The following GSE1 variants were observed in gnomAD, a reference collection of about 807,000 sequenced individuals.
GSE1 encodes Gse1 coiled-coil protein.
In GSE1, 32 loss-of-function variants were observed where a neutral mutation model predicts 112.6. The observed-to-expected ratio is 0.28, with a 90% CI of 0.21 to 0.38. The LOEUF (loss-of-function observed/expected upper bound fraction) is 0.38. Among genes scored for constraint, GSE1 ranks in the 10% least tolerant of loss-of-function variants. The pLI is 1.00. For missense variants in GSE1, 2,348 were observed against 1,699.2 expected, an observed-to-expected ratio of 1.38 and a Z score of -6.71; for synonymous variants, 1,115 against 735.6, an observed-to-expected ratio of 1.52 and a Z score of -8.35.
At position 85,661,257 on chromosome 16, in the gene GSE1, C is replaced by A. The variant is rs764103495; in HGVS notation, c.1752C>A (p.Leu584=). ...AGCTCCATGCTGCACCCACGGCCCTCTGGAACCCCGTGTCCCTGATGGACA... is the reference window on the plus strand; with the variant it reads ...AGCTCCATGCTGCACCCACGGCCCTATGGAACCCCGTGTCCCTGATGGACA... The part of the protein sequence containing the change: ...KPQLHAAPTA[L]WNPVSLMDNT... Residue 584 remains leucine (L), a synonymous_variant, in exon 9 of 16, where the codon CTC becomes CTA. Transcript: ENST00000253458. The A allele has an allele frequency of 6.2e-7, 1 of 1,612,976 alleles. No individual in the cohort carries two copies. The highest frequency in any genetic ancestry group is 8.5e-7 in the Non-Finnish European group (1 of 1,179,990).
intron 1 of GSE1, among the ~76,000 whole-genome samples, chr16:85,200,488 A>T (rs1270021443): frequency 8.5e-5 from 13 of 152,054 alleles, no homozygotes; most frequent in African/African-American, 2.7e-4. Flanking sequence ...TATGCAGTGG[A>T]GGCAGAGCCT....
At chr16:85,295,621 CTGGTCTAAG>C (rs2045345477) in intron 1 of GSE1, among the ~76,000 whole-genome samples, 1 of 152,208 alleles carries the variant, frequency 6.6e-6, no homozygotes, top group Admixed American at 6.5e-5. Flanking sequence ...TGAGCCTGTG[CTGGTCTAAG>C]TCAAGGGGAG....
intron 2 of GSE1, among the ~76,000 whole-genome samples, chr16:85,423,046 CATTG>C (rs2048887638): frequency 1.3e-5 from 2 of 152,236 alleles, no homozygotes; most frequent in African/African-American, 2.4e-5. Flanking sequence ...CCCAAGGAGG[CATTG>C]AGGTGAGGCT....
chr16:85,525,337 A>C (rs2052332428), intron 2 of GSE1, among the ~76,000 whole-genome samples: 1 of 151,150 alleles, frequency 6.6e-6, no homozygotes. Context: ...CTGTGGGCCC[A>C]GTGCGGCTGG....
Position 85,672,682 on chromosome 16 carries a change from C to T in GSE1, c.*143C>T. ...GCATGAAGCAAAGGATTCCAGGCTC[C>T]AGAAAAAATGAATGAACTCACCTTG... On this transcript the variant is annotated 3_prime_UTR_variant, in exon 16 of 16. Coordinates refer to ENST00000253458, the MANE Select transcript of GSE1 (RefSeq NM_014615.5). 1.9e-6 allele frequency: 1 copy of T among 527,626 alleles called. No homozygotes were observed. The allele number at this position is 527,626 out of a possible 1,614,324, so 32.7% of individuals were successfully genotyped here. A position where few individuals can be genotyped will look rare whatever the true frequency, so the allele number is the denominator to read the frequency against.
At chr16:85,516,378 C>T (rs867209139) in intron 2 of GSE1, among the ~76,000 whole-genome samples, 6 of 126,092 alleles carry the variant, frequency 4.8e-5, no homozygotes, top group African/African-American at 1.2e-4. Context: ...TGGTGTGGCC[C>T]GGGGTGGTGG....
chr16:85,662,193 G>A (rs895291736), intron 9 of GSE1: 9 of 170,838 alleles, frequency 5.3e-5, no homozygotes, highest in Non-Finnish European at 8.7e-5. Flanking sequence ...AGGACGCGGC[G>A]GCTGGCACTG....
rs1050830231 is a variant in GSE1, at chr16:85,674,510, C to T, written c.*1971C>T. 1 of 152,220 alleles carries T rather than the reference C, an allele frequency of 6.6e-6. No homozygotes were observed. Among genetic ancestry groups the T allele is most frequent in the Non-Finnish European group, 1.5e-5 (1 of 68,048 alleles). 9.4% of individuals were successfully genotyped at this position (152,220 alleles called of 1,614,324 possible). A position where few individuals can be genotyped will look rare whatever the true frequency, so the allele number is the denominator to read the frequency against. ...TACAAACTATCAGGGCAAAATCTCACTGGATTTCTCCACTGAAAACCTACT... is the reference window on the plus strand; with the variant it reads ...TACAAACTATCAGGGCAAAATCTCATTGGATTTCTCCACTGAAAACCTACT... On this transcript the variant is annotated 3_prime_UTR_variant, in exon 16 of 16. Coordinates refer to ENST00000253458, the MANE Select transcript of GSE1 (RefSeq NM_014615.5).
At chr16:85,663,156 C>T in intron 10 of GSE1, 63 bp downstream of exon 10, 1 of 1,283,786 alleles carries the variant, frequency 7.8e-7, no homozygotes, top group Non-Finnish European at 1.1e-6. Context: ...GCGTCCACAC[C>T]CTGCAGTCCA....
intron 2 of GSE1, among the ~76,000 whole-genome samples, chr16:85,462,372 T>C (rs2151825810): frequency 6.6e-6 from 1 of 152,018 alleles, no homozygotes; most frequent in East Asian, 2.0e-4. Flanking sequence ...TACCCTCAGC[T>C]TGTTGGTTGG....
intron 1 of GSE1, among the ~76,000 whole-genome samples, chr16:85,568,699 G>A (rs2045860559): frequency 6.6e-6 from 1 of 152,178 alleles, no homozygotes; most frequent in South Asian, 2.1e-4. Context: ...CACTCCCTTA[G>A]TTTCTTGGTC....
intron 1 of GSE1, among the ~76,000 whole-genome samples, chr16:85,309,257 G>A (rs1197161033): frequency 6.6e-6 from 1 of 152,146 alleles, no homozygotes; most frequent in Non-Finnish European, 1.5e-5. Context: ...CCAGCACTTT[G>A]GGAGGCCAAC....
chr16:85,465,791 C>G (rs1029283551), intron 2 of GSE1, among the ~76,000 whole-genome samples: 3 of 152,256 alleles, frequency 2.0e-5, no homozygotes, highest in African/African-American at 7.2e-5. Flanking sequence ...CCTTTACACT[C>G]TGATCTCAGA....
chr16:85,210,753 C>T (rs570409353), intron 1 of GSE1, among the ~76,000 whole-genome samples: 5 of 152,316 alleles, frequency 3.3e-5, no homozygotes, highest in Admixed American at 6.5e-5. Context: ...GGGTGCCACC[C>T]GCTGCCCATT....
intron 2 of GSE1, among the ~76,000 whole-genome samples, chr16:85,642,055 G>A (rs1444015930): frequency 6.6e-6 from 1 of 152,270 alleles, no homozygotes; most frequent in Non-Finnish European, 1.5e-5. Flanking sequence ...CACCGGCTGA[G>A]GGCCCAGCTG....
rs536237594 is a variant in GSE1, at chr16:85,271,459, A to C, written c.2284-86004A>C. On this transcript the variant is annotated intron_variant, in intron 1 of 2. Transcript: ENST00000637419. ...ATCAGGGCTTGGGAACTGGTGGGGAAGTATGAATGTGGTTCTTGGAGTCAG... is the reference window on the plus strand; with the variant it reads ...ATCAGGGCTTGGGAACTGGTGGGGACGTATGAATGTGGTTCTTGGAGTCAG... 9.2e-5 allele frequency among the ~76,000 whole-genome samples: 14 copies of C among 152,346 alleles called. No homozygotes were observed. The East Asian group carries it at 1.2e-3, about 13-fold the overall frequency.
chr16:85,588,564 A>G (rs2033060359), intron 1 of GSE1, among the ~76,000 whole-genome samples: 1 of 152,238 alleles, frequency 6.6e-6, no homozygotes, highest in Admixed American at 6.5e-5. Flanking sequence ...CTGCCTCGCC[A>G]GAGAACAAGC....
Position 85,665,072 on chromosome 16 carries a change from C to T in GSE1, c.2702C>T (p.Ala901Val). ...ATGAAGCAGAAGGCACTGTCAGCAGCAGTGGCCGACTCCTTGACAAACTCT... is the reference window on the plus strand; with the variant it reads ...ATGAAGCAGAAGGCACTGTCAGCAGTAGTGGCCGACTCCTTGACAAACTCT... ...RAMKQKALSA[A>V]VADSLTNSPR... The change falls in exon 12 of 16, where the codon GCA becomes GTA. Residue 901 changes from alanine (A) to valine (V), a missense_variant. Coordinates refer to ENST00000253458, the MANE Select transcript of GSE1 (RefSeq NM_014615.5). 6.2e-7 allele frequency: 1 copy of T among 1,612,738 alleles called. No homozygotes were observed. Among genetic ancestry groups the T allele is most frequent in the Non-Finnish European group, 8.5e-7 (1 of 1,178,964 alleles).
intron 1 of GSE1, among the ~76,000 whole-genome samples, chr16:85,335,324 C>T (rs956977348): frequency 6.6e-6 from 1 of 152,244 alleles, no homozygotes; most frequent in Admixed American, 6.5e-5. Context: ...GCCCCGGGCC[C>T]GGGTGGAGGG....
Sources: gnomAD v4.1 joint callset for allele counts (sites outside exome capture counted in the v4.1 genomes callset) on GRCh38, gnomAD v4.1.1 for gene constraint, MANE v1.5 for transcripts, NCBI Gene and HGNC (gene_info 2026-07-23, HGNC 2026-07-21) for gene names.